The following RO60 variants were observed in gnomAD, a reference collection of about 807,000 sequenced individuals.
RO60 encodes the protein Ro60, Y RNA binding protein.
RO60 carries 20 observed loss-of-function variants against 55.3 expected under a neutral mutation model. The ratio of observed to expected loss-of-function variants is 0.36; its 90% CI spans 0.25 to 0.53. The LOEUF is 0.53. Among genes scored for constraint, RO60 ranks in the 20% least tolerant of loss-of-function variants. The probability of loss-of-function intolerance (pLI) is 0.92; values close to 1 mark genes in which losing one functional copy is unlikely to be tolerated. For synonymous variants in RO60, 213 were observed against 213.6 expected (o/e 1.00, Z 0.02); for missense variants, 558 against 646.6 (o/e 0.86, Z 1.49).
intron 1 of RO60, among the ~76,000 whole-genome samples, chr1:193,062,308 A>G (rs1016976586): frequency 1.3e-5 from 2 of 152,194 alleles, no homozygotes; most frequent in African/African-American, 4.8e-5. Context: ...AGAAGAAATT[A>G]AGTTGCTGTA....
intron 1 of RO60, among the ~76,000 whole-genome samples, chr1:193,066,365 T>G (rs1673107260): frequency 6.6e-6 from 1 of 152,156 alleles, no homozygotes; most frequent in Non-Finnish European, 1.5e-5. Context: ...TACAAAAGAG[T>G]AGTCTAGCTG....
chr1:193,060,591 C>G (rs1331685423), intron 1 of RO60, among the ~76,000 whole-genome samples: 2 of 152,050 alleles, frequency 1.3e-5, no homozygotes, highest in Non-Finnish European at 1.5e-5. Context: ...AGTTAGGGAG[C>G]CTTGTGCTAC....
chr1:193,081,290 T>C (rs1252838586), intron 5 of RO60, 74 bp from the exon 6 acceptor site: 6 of 818,608 alleles, frequency 7.3e-6, no homozygotes, highest in Non-Finnish European at 1.2e-5. Context: ...GTAAGATAAG[T>C]AAATATGATT....
At chr1:193,082,449 T>G in intron 7 of RO60, 113 bp from the exon 8 acceptor site, 2 of 1,384,018 alleles carry the variant, frequency 1.4e-6, no homozygotes, top group Middle Eastern at 5.1e-4. Flanking sequence ...CGAAAATATA[T>G]ATGCAGGCTT....
rs934102497 is a variant in RO60 at position 193,075,671 on chromosome 1, G to A, written c.581-149G>A. On this transcript the variant is annotated intron_variant, in intron 2 of 8. Transcript: ENST00000400968. ...ATTAATTCACCCCATTTGCTTAATT[G>A]TTATATCATGGAAAGCAGCATCCCA... is the stretch of plus-strand genomic sequence containing the variant. 9.7e-6 allele frequency: 5 copies of A among 516,480 alleles called. No individual in the cohort carries two copies. In the African/African-American group the frequency reaches 9.9e-5, roughly 10 times the overall value. 32.0% of individuals were successfully genotyped at this position (516,480 alleles called of 1,614,324 possible).
At chr1:193,082,129 C>A (rs1436970187) in intron 6 of RO60, 57 bp from the exon 7 acceptor site, 7 of 1,035,852 alleles carry the variant, frequency 6.8e-6, no homozygotes, top group Admixed American at 3.6e-5. Context: ...GGATAAAATT[C>A]AAAATATTGT....
chr1:193,082,354 T>C (rs1674371429), intron 7 of RO60, 55 bp downstream of exon 7: 2 of 1,411,434 alleles, frequency 1.4e-6, no homozygotes, highest in African/African-American at 1.4e-5. Context: ...ACGTGTAGAA[T>C]GATTTTATAT....
chr1:193,068,343 A>G, intron 1 of RO60, among the ~76,000 whole-genome samples: 1 of 152,254 alleles, frequency 6.6e-6, no homozygotes, highest in East Asian at 1.9e-4. Context: ...CTATGTTTCA[A>G]TTAGTAATTC....
chr1:193,060,070 C>T (rs1672396896), intron 1 of RO60: 2 of 1,308,510 alleles, frequency 1.5e-6, no homozygotes, highest in East Asian at 4.7e-5. Context: ...AGGCCGACGT[C>T]GAGAGGGCCT....
intron 1 of RO60, chr1:193,060,018 C>G: frequency 7.4e-7 from 1 of 1,357,382 alleles, no homozygotes; most frequent in Non-Finnish European, 9.8e-7. Context: ...TGGGCCCTTT[C>G]CGAAGCCGGG....
At chr1:193,070,621 T>C (rs1054928394) in intron 2 of RO60, 1 of 445,446 alleles carries the variant, frequency 2.2e-6, no homozygotes, top group African/African-American at 2.0e-5. Flanking sequence ...TTAAGCCAAG[T>C]AAGTTAAGCT....
rs773539744 is a variant in RO60 at position 193,082,214 on chromosome 1, A to G, written c.1232A>G (p.Tyr411Cys). ...MVVTRTEKDS[Y>C]VVAFSDEMVP... ...GTCACACGAACAGAAAAAGATTCTTATGTAGTTGCTTTTTCCGATGAAATG... is the reference window on the plus strand; with the variant it reads ...GTCACACGAACAGAAAAAGATTCTTGTGTAGTTGCTTTTTCCGATGAAATG... Residue 411 changes from tyrosine (Y) to cysteine (C), a missense_variant, in exon 7 of 9, where the codon TAT becomes TGT. Transcript: ENST00000400968. The G allele has an allele frequency of 3.1e-6, 5 of 1,612,962 alleles. No homozygotes were observed. Among genetic ancestry groups the G allele is most frequent in the African/African-American group, 1.3e-5 (1 of 74,866 alleles).
chr1:193,071,853 T>C (rs1673534889), intron 2 of RO60, among the ~76,000 whole-genome samples: 1 of 48,380 alleles, frequency 2.1e-5, no homozygotes, highest in African/African-American at 5.2e-5. Context: ...TGTATGCATA[T>C]AATTATATGT....
At position 193,084,999 on chromosome 1, in the gene RO60, A is replaced by AT; in HGVS notation, c.*269dup. The AT allele has an allele frequency of 1.3e-6, 2 of 1,544,968 alleles. No individual in the cohort carries two copies. Among genetic ancestry groups the AT allele is most frequent in the Non-Finnish European group, 1.7e-6 (2 of 1,145,374 alleles). On this transcript the variant is annotated 3_prime_UTR_variant, in exon 9 of 9. Coordinates refer to ENST00000400968, the MANE Select transcript of RO60 (RefSeq NM_001173524.2). ...ACTTTTTGTTAACAGACACTGTAAAATAGTTTTGCTTTGTTGAATAATACG... is the reference window on the plus strand; with the variant it reads ...ACTTTTTGTTAACAGACACTGTAAAATTAGTTTTGCTTTGTTGAATAATACG...
chr1:193,079,357 G>A (rs1674143198), intron 5 of RO60, among the ~76,000 whole-genome samples: 1 of 152,102 alleles, frequency 6.6e-6, no homozygotes, highest in Admixed American at 6.6e-5. Context: ...CCAAAGTGCT[G>A]GGATTACAGG....
At chr1:193,062,108 A>ATAGATAGGTCAGGCCCATCCAAAGAATT (rs1210973428) in intron 1 of RO60, among the ~76,000 whole-genome samples, 1 of 152,196 alleles carries the variant, frequency 6.6e-6, no homozygotes, top group African/African-American at 2.4e-5. Flanking sequence ...AGAGCACTAG[A>ATAGATAGGTCAGGCCCATCCAAAGAATT]TAGATAGGTC....
chr1:193,065,574 A>G (rs1242874269), intron 1 of RO60, among the ~76,000 whole-genome samples: 1 of 152,208 alleles, frequency 6.6e-6, no homozygotes, highest in Non-Finnish European at 1.5e-5. Flanking sequence ...GAAAAACATA[A>G]CATTGTCTAC....
In RO60 at chr1:193,085,732, G is replaced by C; in HGVS notation, c.*1001G>C. Reference sequence around the variant, plus strand: ...ATTTTTAAAAGTATACATGTCAATGGCCTCTTTGTCCATTATTCATTTTGT... The same window carrying C: ...ATTTTTAAAAGTATACATGTCAATGCCCTCTTTGTCCATTATTCATTTTGT... On this transcript the variant is annotated 3_prime_UTR_variant, in exon 9 of 9. Transcript: ENST00000400968. 1 of 983,790 alleles carries C rather than the reference G, an allele frequency of 1.0e-6. No individual in the cohort carries two copies. Among genetic ancestry groups the C allele is most frequent in the Non-Finnish European group, 1.2e-6 (1 of 828,882 alleles). The allele number at this position is 983,790 out of a possible 1,614,324, so 60.9% of individuals were successfully genotyped here.
At chr1:193,069,966 A>C (rs1029304839) in intron 2 of RO60, among the ~76,000 whole-genome samples, 1 of 152,166 alleles carries the variant, frequency 6.6e-6, no homozygotes, top group African/African-American at 2.4e-5. Flanking sequence ...TAAGCCTTGG[A>C]TATGGGTACA....
Sources: allele counts gnomAD v4.1 joint callset (sites outside exome capture counted in the v4.1 genomes callset), GRCh38; gene constraint gnomAD v4.1.1; transcripts MANE v1.5; gene names NCBI Gene and HGNC (gene_info 2026-07-23, HGNC 2026-07-21).